The following GJB7 variants were observed in gnomAD, a reference collection of about 807,000 sequenced individuals.
GJB7 encodes the protein gap junction protein beta 7.
For missense variants in GJB7, 253 were observed against 256.8 expected (o/e 0.99, Z 0.10); for synonymous variants, 87 against 95.2 (o/e 0.91, Z 0.50).
rs1776927630 is a variant in GJB7, at chr6:87,329,145, C to G, written c.-213G>C. 2 of 155,022 alleles carry G rather than the reference C, an allele frequency of 1.3e-5. No individual in the cohort carries two copies. Among genetic ancestry groups the G allele is most frequent in the Admixed American group, 6.5e-5 (1 of 15,334 alleles). The allele number at this position is 155,022 out of a possible 1,614,324, so 9.6% of individuals were successfully genotyped here. A position where few individuals can be genotyped will look rare whatever the true frequency, so the allele number is the denominator to read the frequency against. ...GTGCGCGCACCCACTTACCTGCGCC[C>G]AGTGTCTGGCACTCCCTAGTGAGAT... On this transcript the variant is annotated 5_prime_UTR_variant, in exon 1 of 3. Coordinates refer to ENST00000525899, the MANE Select transcript of GJB7 (RefSeq NM_198568.3).
At chr6:87,298,110 T>A (rs1776270990) in intron 2 of GJB7, among the ~76,000 whole-genome samples, 1 of 152,232 alleles carries the variant, frequency 6.6e-6, no homozygotes, top group South Asian at 2.1e-4. Context: ...TCCTATTGGC[T>A]ATGACAGATT....
At position 87,324,581 on chromosome 6, in the gene GJB7, G is replaced by C. The variant is rs373456519; in HGVS notation, c.-205-1538C>G. Among the ~76,000 whole-genome samples the C allele has an allele frequency of 0.011, 1,617 of 151,188 alleles. 63 individuals are homozygous for C. In the East Asian group the frequency reaches 0.11, roughly 11 times the overall value. On this transcript the variant is annotated intron_variant, in intron 1 of 2. Transcript: ENST00000525899. Reference sequence around the variant, plus strand: ...GTTTGTCAAAGATCAGATAGTTGTAGATATGTGGCGTTATTTCTGAGGGCT... The same window carrying C: ...GTTTGTCAAAGATCAGATAGTTGTACATATGTGGCGTTATTTCTGAGGGCT...
intron 2 of GJB7, 52 bp downstream of exon 2, chr6:87,322,814 C>G (rs138578550): frequency 1.3e-5 from 2 of 152,346 alleles, no homozygotes; most frequent in African/African-American, 4.8e-5. Flanking sequence ...TGTACCCGCA[C>G]CCCAAGTCGG....
Position 87,290,561 on chromosome 6 carries a change from G to A in GJB7, c.-27-5622C>T, listed in dbSNP as rs149210939. On this transcript the variant is annotated intron_variant, in intron 2 of 2. Transcript: ENST00000525899. ...GTGTCTACAAGAAGTTTATATGTAC[G>A]TTCATATTCCTAAGCTTTTAAAAAA... Among the ~76,000 whole-genome samples the A allele has an allele frequency of 3.5e-4, 53 of 151,432 alleles. No homozygotes were observed. In the East Asian group the frequency reaches 9.1e-3, roughly 26 times the overall value.
At chr6:87,315,743 C>A (rs757168967) in intron 2 of GJB7, among the ~76,000 whole-genome samples, 3 of 147,888 alleles carry the variant, frequency 2.0e-5, no homozygotes, top group Non-Finnish European at 4.4e-5. Flanking sequence ...TTGCAGTGAG[C>A]CAAGATCACA....
At chr6:87,314,216 G>C (rs1776550457) in intron 2 of GJB7, among the ~76,000 whole-genome samples, 1 of 152,100 alleles carries the variant, frequency 6.6e-6, no homozygotes, top group Non-Finnish European at 1.5e-5. Context: ...ATTGATACTG[G>C]CATTTCACTG....
At chr6:87,320,896 C>A (rs1776647704) in intron 2 of GJB7, among the ~76,000 whole-genome samples, 1 of 152,088 alleles carries the variant, frequency 6.6e-6, no homozygotes, top group Non-Finnish European at 1.5e-5. Context: ...TCTTATCAGA[C>A]CTTAAAAGAT....
At chr6:87,306,457 A>T (rs2127905545) in intron 2 of GJB7, among the ~76,000 whole-genome samples, 1 of 152,324 alleles carries the variant, frequency 6.6e-6, no homozygotes, top group South Asian at 2.1e-4. Flanking sequence ...GAGAAATGCA[A>T]ATCAAAACCA....
intron 2 of GJB7, among the ~76,000 whole-genome samples, chr6:87,290,504 G>A (rs1261095650): frequency 6.6e-6 from 1 of 152,044 alleles, no homozygotes; most frequent in Non-Finnish European, 1.5e-5. Context: ...CAGGATCTGT[G>A]GCCCACTGAG....
At chr6:87,318,069 GAA>G (rs1284764989) in intron 2 of GJB7, among the ~76,000 whole-genome samples, 1 of 149,468 alleles carries the variant, frequency 6.7e-6, no homozygotes, top group Non-Finnish European at 1.5e-5. Context: ...TTATATGGAA[GAA>G]AAAGAGTAAT....
intron 1 of GJB7, among the ~76,000 whole-genome samples, chr6:87,324,779 T>G (rs1053512598): frequency 1.3e-5 from 2 of 152,230 alleles, no homozygotes; most frequent in African/African-American, 4.8e-5. Context: ...ATATGAACTT[T>G]AAAGTAGCTT....
At chr6:87,319,635 A>G (rs1776628885) in intron 2 of GJB7, among the ~76,000 whole-genome samples, 1 of 152,242 alleles carries the variant, frequency 6.6e-6, no homozygotes, top group Non-Finnish European at 1.5e-5. Context: ...TTGTAATACC[A>G]GTTGTCAATG....
intron 2 of GJB7, among the ~76,000 whole-genome samples, chr6:87,296,858 T>C (rs1016173241): frequency 1.3e-5 from 2 of 152,186 alleles, no homozygotes; most frequent in African/African-American, 2.4e-5. Context: ...GGTCTATGAT[T>C]ATTTCAGAGC....
rs1374928047 is a variant in GJB7, at chr6:87,322,876, C to G, written c.-38G>C. On this transcript the variant is annotated 5_prime_UTR_variant, in exon 2 of 3. Coordinates refer to ENST00000525899, the MANE Select transcript of GJB7 (RefSeq NM_198568.3). Reference sequence around the variant, plus strand: ...ATTTCCCGTACTCACCTTGCGGGCTCCAGTTTGTTCGGTGCTTCATCCATG... The same window carrying G: ...ATTTCCCGTACTCACCTTGCGGGCTGCAGTTTGTTCGGTGCTTCATCCATG... The G allele has an allele frequency of 6.6e-6, 1 of 152,354 alleles. No homozygotes were observed. The highest frequency in any genetic ancestry group is 1.5e-5 in the Non-Finnish European group (1 of 68,184). The allele number at this position is 152,354 out of a possible 1,614,324, so 9.4% of individuals were successfully genotyped here. A position where few individuals can be genotyped will look rare whatever the true frequency, so the allele number is the denominator to read the frequency against.
chr6:87,315,562 C>A (rs139454905), intron 2 of GJB7, among the ~76,000 whole-genome samples: 2 of 151,906 alleles, frequency 1.3e-5, no homozygotes, highest in Non-Finnish European at 2.9e-5. Context: ...GTGGCCAAGG[C>A]GGGTGGATCA....
intron 1 of GJB7, among the ~76,000 whole-genome samples, chr6:87,324,203 A>AT (rs1776758160): frequency 6.6e-6 from 1 of 151,608 alleles, no homozygotes; most frequent in South Asian, 2.1e-4. Flanking sequence ...GGTTGTGAAA[A>AT]TTTTCTCCCA....
chr6:87,308,215 G>A (rs546140679), intron 2 of GJB7, among the ~76,000 whole-genome samples: 5 of 151,506 alleles, frequency 3.3e-5, no homozygotes, highest in Admixed American at 6.6e-5. Flanking sequence ...ATCACCCACC[G>A]GGGCCTGACA....
chr6:87,288,589 GA>G (rs1406885539), intron 2 of GJB7, among the ~76,000 whole-genome samples: 1 of 152,128 alleles, frequency 6.6e-6, no homozygotes, highest in East Asian at 1.9e-4. Flanking sequence ...ATTCAAAAGT[GA>G]AATCTTGCCA....
chr6:87,328,772 G>C (rs536358318), intron 1 of GJB7, among the ~76,000 whole-genome samples: 5,538 of 152,256 alleles, frequency 0.036, 345 homozygotes, highest in African/African-American at 0.13. Context: ...AGCTGTGGTG[G>C]GCTCCACCCA....
Sources: gnomAD v4.1 joint callset for allele counts (sites outside exome capture counted in the v4.1 genomes callset) on GRCh38, gnomAD v4.1.1 for gene constraint, MANE v1.5 for transcripts, NCBI Gene and HGNC (gene_info 2026-07-23, HGNC 2026-07-21) for gene names.